NTM: variants seen among roughly 807,000 people sequenced by gnomAD.
The protein encoded by NTM is IgLON family member 2.
NTM carries 13 observed loss-of-function variants against 42.1 expected under a neutral mutation model. The observed-to-expected ratio is 0.31, with a 90% CI of 0.20 to 0.49. The LOEUF is 0.49. Among genes scored for constraint, NTM ranks in the 20% least tolerant of loss-of-function variants. The probability of loss-of-function intolerance (pLI) is 0.99; values close to 1 mark genes in which losing one functional copy is unlikely to be tolerated. For missense variants in NTM, 373 were observed against 452.8 expected, an observed-to-expected ratio of 0.82 and a Z score of 1.60; for synonymous variants, 187 against 179.2, an observed-to-expected ratio of 1.04 and a Z score of -0.35.
At chr11:131,458,652 A>T (rs1441764266) in intron 1 of NTM, among the ~76,000 whole-genome samples, 1 of 152,218 alleles carries the variant, frequency 6.6e-6, no homozygotes, top group Non-Finnish European at 1.5e-5. Context: ...TCTAGCACCT[A>T]GCACAAGGCC....
At chr11:131,857,079 T>C (rs1432649805) in intron 1 of NTM, among the ~76,000 whole-genome samples, 1 of 152,198 alleles carries the variant, frequency 6.6e-6, no homozygotes, top group African/African-American at 2.4e-5. Context: ...TCCAGCATTT[T>C]CCAAATGTAA....
intron 1 of NTM, among the ~76,000 whole-genome samples, chr11:131,491,269 T>C (rs1171912735): frequency 6.6e-6 from 1 of 152,176 alleles, no homozygotes; most frequent in African/African-American, 2.4e-5. Context: ...ATTCTTTCTA[T>C]AGGAAATGGT....
intron 1 of NTM, among the ~76,000 whole-genome samples, chr11:131,397,905 C>A (rs1301057707): frequency 6.6e-6 from 1 of 152,190 alleles, no homozygotes; most frequent in East Asian, 1.9e-4. Flanking sequence ...GTCTGCCCTT[C>A]ACTTGAGAAT....
chr11:132,134,582 C>A (rs902390324), intron 2 of NTM, among the ~76,000 whole-genome samples: 1 of 150,430 alleles, frequency 6.6e-6, no homozygotes, highest in Non-Finnish European at 1.5e-5. Context: ...ATATATATGA[C>A]TCATATGACA....
chr11:131,599,503 A>G (rs566174496), intron 1 of NTM, among the ~76,000 whole-genome samples: 13 of 152,322 alleles, frequency 8.5e-5, no homozygotes, highest in Non-Finnish European at 1.8e-4. Flanking sequence ...CGATCTCAGC[A>G]CCTTTTAGAC....
intron 1 of NTM, among the ~76,000 whole-genome samples, chr11:131,434,488 T>C (rs1262089810): frequency 6.6e-6 from 1 of 152,228 alleles, no homozygotes; most frequent in Non-Finnish European, 1.5e-5. Context: ...TTCTAACTGG[T>C]GTGAGATAGT....
At chr11:132,160,015 CAG>C (rs959451969) in intron 3 of NTM, among the ~76,000 whole-genome samples, 8 of 152,134 alleles carry the variant, frequency 5.3e-5, no homozygotes, top group Admixed American at 6.5e-5. Flanking sequence ...AAATGGGAAA[CAG>C]ACATGAAAAA....
At chr11:131,569,028 G>A (rs11823522) in intron 1 of NTM, among the ~76,000 whole-genome samples, 2 of 151,980 alleles carry the variant, frequency 1.3e-5, no homozygotes, top group South Asian at 2.1e-4. Flanking sequence ...GAACATTTTC[G>A]TTATCCAGAA....
intron 4 of NTM, among the ~76,000 whole-genome samples, chr11:132,293,252 A>G (rs1264425152): frequency 6.6e-6 from 1 of 152,188 alleles, no homozygotes; most frequent in Non-Finnish European, 1.5e-5. Context: ...TTAAAGATGT[A>G]AGGTTTGAAA....
At chr11:132,123,824 C>T (rs1403681663) in intron 2 of NTM, among the ~76,000 whole-genome samples, 4 of 152,136 alleles carry the variant, frequency 2.6e-5, no homozygotes, top group African/African-American at 7.2e-5. Context: ...TAGGTTCCTA[C>T]GTGTGCACAG....
At chr11:131,770,116 C>G (rs2085811400) in intron 1 of NTM, among the ~76,000 whole-genome samples, 1 of 152,142 alleles carries the variant, frequency 6.6e-6, no homozygotes, top group Admixed American at 6.5e-5. Context: ...AGGTTCCTCC[C>G]AAACCATCCA....
intron 1 of NTM, among the ~76,000 whole-genome samples, chr11:131,556,825 C>G (rs573423501): frequency 6.6e-6 from 1 of 152,304 alleles, no homozygotes; most frequent in East Asian, 1.9e-4. Context: ...CTCAGCCTCC[C>G]AAAGTGCTGC....
chr11:132,287,797 G>T (rs35167411), intron 4 of NTM, among the ~76,000 whole-genome samples: 17,399 of 152,206 alleles, frequency 0.11, 1,295 homozygotes, highest in Non-Finnish European at 0.17. Flanking sequence ...AGCTTACATT[G>T]CATGAGCTTA....
At chr11:131,987,383 TC>T (rs1253893077) in intron 2 of NTM, among the ~76,000 whole-genome samples, 60 of 39,848 alleles carry the variant, frequency 1.5e-3, no homozygotes, top group African/African-American at 4.0e-3. Flanking sequence ...TTCCTCCTAT[TC>T]TATTCTATTC....
chr11:131,649,545 T>C (rs2066201686), intron 1 of NTM, among the ~76,000 whole-genome samples: 1 of 152,138 alleles, frequency 6.6e-6, no homozygotes. Flanking sequence ...ATAAAACTCA[T>C]TACAAGATAA....
At chr11:132,249,288 T>G (rs940023547) in intron 4 of NTM, among the ~76,000 whole-genome samples, 6 of 152,084 alleles carry the variant, frequency 3.9e-5, no homozygotes, top group Non-Finnish European at 7.4e-5. Flanking sequence ...GGTGTGTGTG[T>G]ATGTGTGTGT....
chr11:131,499,337 A>G (rs1340105869), intron 1 of NTM, among the ~76,000 whole-genome samples: 1 of 152,108 alleles, frequency 6.6e-6, no homozygotes, highest in Non-Finnish European at 1.5e-5. Context: ...TATAAGTGTA[A>G]TGATGACTCC....
At chr11:131,406,548 A>G (rs1181560566) in intron 1 of NTM, among the ~76,000 whole-genome samples, 1 of 152,196 alleles carries the variant, frequency 6.6e-6, no homozygotes. Flanking sequence ...CAAAACCTAT[A>G]TATGCTATTT....
intron 1 of NTM, among the ~76,000 whole-genome samples, chr11:131,777,282 G>A (rs574026386): frequency 5.9e-5 from 9 of 152,062 alleles, no homozygotes; most frequent in South Asian, 2.1e-4. Context: ...ACATTCACAC[G>A]CATGCAGATA....
Sources: gnomAD v4.1 joint callset for allele counts (sites outside exome capture counted in the v4.1 genomes callset) on GRCh38, gnomAD v4.1.1 for gene constraint, MANE v1.5 for transcripts, NCBI Gene and HGNC (gene_info 2026-07-23, HGNC 2026-07-21) for gene names.